Variants in TRDN observed in about 807,000 individuals in gnomAD.
TRDN encodes the protein triadin in skeletal muscle.
A neutral mutation model predicts 149.7 loss-of-function variants in TRDN; 161 were observed. The observed-to-expected ratio is 1.08, with a 90% CI of 0.95 to 1.23. TRDN has a LOEUF of 1.23. Among genes scored for constraint, TRDN ranks in the 50% most tolerant of loss-of-function variants. The pLI, the probability that TRDN is intolerant of heterozygous loss-of-function variation, is 0.00. For missense variants in TRDN, 896 were observed against 823.5 expected, an observed-to-expected ratio of 1.09 and a Z score of -1.08; for synonymous variants, 294 against 250.5, an observed-to-expected ratio of 1.17 and a Z score of -1.64.
intron 21 of TRDN, among the ~76,000 whole-genome samples, chr6:123,340,765 A>T (rs2114256198): frequency 6.6e-6 from 1 of 152,052 alleles, no homozygotes; most frequent in South Asian, 2.1e-4. Context: ...GTAAAGAACC[A>T]CCTGGCAAGC....
intron 9 of TRDN, among the ~76,000 whole-genome samples, chr6:123,466,129 G>A (rs972779786): frequency 1.2e-4 from 19 of 152,160 alleles, no homozygotes; most frequent in Admixed American, 1.2e-3. Flanking sequence ...CAGGCCGTAT[G>A]TCTAGAAAAA....
At chr6:123,287,732 A>G (rs1777851796) in intron 24 of TRDN, among the ~76,000 whole-genome samples, 1 of 152,130 alleles carries the variant, frequency 6.6e-6, no homozygotes, top group Non-Finnish European at 1.5e-5. Context: ...TTTGTGATTG[A>G]GGTCTATAAA....
chr6:123,394,260 T>C (rs907565381), intron 12 of TRDN, among the ~76,000 whole-genome samples: 10 of 152,226 alleles, frequency 6.6e-5, no homozygotes, highest in African/African-American at 1.9e-4. Flanking sequence ...TTTTGCTATG[T>C]TTTTCTCCTT....
chr6:123,298,558 GA>G (rs1484509066), intron 24 of TRDN, among the ~76,000 whole-genome samples: 2 of 152,060 alleles, frequency 1.3e-5, no homozygotes, highest in Non-Finnish European at 2.9e-5. Context: ...GATAGAGTAA[GA>G]AATTCACTAG....
chr6:123,350,712 A>T (rs1780430923), intron 21 of TRDN: 3 of 839,282 alleles, frequency 3.6e-6, no homozygotes, highest in Non-Finnish European at 4.3e-6. Flanking sequence ...ATTTCCTATG[A>T]TTGTTATGAT....
chr6:123,497,009 G>A (rs1459692148), intron 9 of TRDN, among the ~76,000 whole-genome samples, 184 bp downstream of exon 9: 1 of 151,924 alleles, frequency 6.6e-6, no homozygotes, highest in African/African-American at 2.4e-5. Context: ...AGGCCATGCA[G>A]TGACTGAAAG....
chr6:123,257,275 G>A (rs1458064831), intron 35 of TRDN, among the ~76,000 whole-genome samples: 2 of 150,746 alleles, frequency 1.3e-5, no homozygotes, highest in South Asian at 4.2e-4. Context: ...ACCACGCCCG[G>A]CATGTTTAAA....
intron 24 of TRDN, among the ~76,000 whole-genome samples, chr6:123,314,308 A>T (rs1406065768): frequency 6.6e-6 from 1 of 152,030 alleles, no homozygotes. Context: ...AGACCATCTC[A>T]CACCAGCCAG....
chr6:123,348,969 C>G (rs1465651416), intron 21 of TRDN, among the ~76,000 whole-genome samples: 2 of 152,024 alleles, frequency 1.3e-5, no homozygotes, highest in Non-Finnish European at 2.9e-5. Flanking sequence ...TCACATGAAT[C>G]AAATATTGCA....
intron 2 of TRDN, among the ~76,000 whole-genome samples, chr6:123,558,514 C>T (rs1781801578): frequency 6.6e-6 from 1 of 152,110 alleles, no homozygotes; most frequent in Non-Finnish European, 1.5e-5. Context: ...AATCAGTCAG[C>T]ATTTACACTC....
intron 24 of TRDN, among the ~76,000 whole-genome samples, chr6:123,306,882 A>T (rs556671606): frequency 6.8e-6 from 1 of 146,816 alleles, no homozygotes; most frequent in African/African-American, 2.4e-5. Context: ...CACCATTTTT[A>T]TAAAGGGGTA....
At chr6:123,333,953 G>A (rs1380247385) in intron 22 of TRDN, among the ~76,000 whole-genome samples, 2 of 152,000 alleles carry the variant, frequency 1.3e-5, no homozygotes, top group East Asian at 3.9e-4. Context: ...AAATTATTGA[G>A]GCACGAACAT....
At chr6:123,369,324 C>A (rs35680488) in intron 19 of TRDN, among the ~76,000 whole-genome samples, 26,260 of 152,038 alleles carry the variant, frequency 0.17, 2,457 homozygotes, top group South Asian at 0.22. Flanking sequence ...TCTATGAAGA[C>A]CCTATTTCAA....
At chr6:123,613,496 G>T (rs1040985509) in intron 1 of TRDN, among the ~76,000 whole-genome samples, 4 of 152,100 alleles carry the variant, frequency 2.6e-5, no homozygotes, top group African/African-American at 9.7e-5. Flanking sequence ...TCTGCTCAAT[G>T]AACTCAATTA....
intron 2 of TRDN, among the ~76,000 whole-genome samples, chr6:123,567,852 T>G (rs932992799): frequency 6.6e-6 from 1 of 152,182 alleles, no homozygotes; most frequent in Non-Finnish European, 1.5e-5. Flanking sequence ...ATTTTATCTC[T>G]GGCCCCTCAA....
At chr6:123,400,827 G>T (rs1392834981) in intron 12 of TRDN, among the ~76,000 whole-genome samples, 1 of 151,978 alleles carries the variant, frequency 6.6e-6, no homozygotes, top group African/African-American at 2.4e-5. Flanking sequence ...TAGAAAATAA[G>T]AAACACACAC....
chr6:123,540,029 G>C (rs1780746865), intron 4 of TRDN, among the ~76,000 whole-genome samples: 1 of 152,184 alleles, frequency 6.6e-6, no homozygotes, highest in Non-Finnish European at 1.5e-5. Flanking sequence ...AGATGATGTA[G>C]ACATTTGTGG....
intron 5 of TRDN, among the ~76,000 whole-genome samples, chr6:123,517,941 T>A (rs1228679096): frequency 6.6e-6 from 1 of 152,098 alleles, no homozygotes; most frequent in South Asian, 2.1e-4. Flanking sequence ...ATCATATTTA[T>A]TTTATTTTTT....
chr6:123,505,888 G>A (rs1272702087), intron 7 of TRDN, among the ~76,000 whole-genome samples: 1 of 151,892 alleles, frequency 6.6e-6, no homozygotes, highest in Non-Finnish European at 1.5e-5. Context: ...TAGTAGAGAT[G>A]GGGTTTCACA....
Sources: gnomAD v4.1 joint callset for allele counts (sites outside exome capture counted in the v4.1 genomes callset) on GRCh38, gnomAD v4.1.1 for gene constraint, MANE v1.5 for transcripts, NCBI Gene and HGNC (gene_info 2026-07-23, HGNC 2026-07-21) for gene names.